Variants in PTPRD observed in about 807,000 individuals in gnomAD.
PTPRD encodes protein tyrosine phosphatase receptor type D.
PTPRD carries 34 observed loss-of-function variants against 214.5 expected under a neutral mutation model. The observed-to-expected ratio is 0.16, with a 90% CI of 0.12 to 0.21. The LOEUF is 0.21. PTPRD is among the 10% of genes least tolerant of loss of function. The pLI is 1.00. For synonymous variants in PTPRD, 1,128 were observed against 845.7 expected (o/e 1.33, Z -5.79); for missense variants, 2,545 against 2,398.7 (o/e 1.06, Z -1.27).
chr9:9,081,956 G>C (rs961177194), intron 10 of PTPRD, among the ~76,000 whole-genome samples: 8 of 151,636 alleles, frequency 5.3e-5, no homozygotes, highest in African/African-American at 1.9e-4. Context: ...TTCTGCAACT[G>C]AGGCAGTAAT....
chr9:9,754,976 T>C lies in PTPRD; in HGVS notation c.-326+11834A>G, dbSNP rs560982583. Among the ~76,000 whole-genome samples, 15 of 152,208 alleles carry C rather than the reference T, an allele frequency of 9.9e-5. No homozygotes were observed. In the South Asian group the frequency reaches 3.1e-3, roughly 32 times the overall value. ...TAAGGACTTGAAAGCTTCCAGTGTT[T>C]ATCAAAGGATAATTTGCGAATCAGC... On this transcript the variant is annotated intron_variant, in intron 6 of 45. Coordinates refer to ENST00000381196, the MANE Select transcript of PTPRD (RefSeq NM_002839.4).
At chr9:10,116,823 T>C (rs2098734286) in intron 3 of PTPRD, among the ~76,000 whole-genome samples, 1 of 152,030 alleles carries the variant, frequency 6.6e-6, no homozygotes, top group South Asian at 2.1e-4. Flanking sequence ...TTCTCAAACA[T>C]ATTAAGCATA....
At chr9:10,083,322 A>G (rs767892311) in intron 3 of PTPRD, among the ~76,000 whole-genome samples, 4 of 152,146 alleles carry the variant, frequency 2.6e-5, no homozygotes, top group South Asian at 4.1e-4. Context: ...GCCTAGTCTT[A>G]TAAGTCTTAA....
chr9:8,353,924 ATATG>A lies in PTPRD; in HGVS notation c.4662-11950_4662-11947del, dbSNP rs1407170578. ...TGTATATATGTGTATATATGTATAT[ATATG>A]TGTGTGTACATATATATATATATAT... On this transcript the variant is annotated intron_variant, in intron 39 of 45. Coordinates refer to ENST00000381196, the MANE Select transcript of PTPRD (RefSeq NM_002839.4). Among the ~76,000 whole-genome samples the A allele has an allele frequency of 4.0e-3, 543 of 135,736 alleles. 16 individuals carry two copies. The highest frequency in any genetic ancestry group is 7.0e-3 in the Non-Finnish European group (457 of 65,432). 89.0% of individuals were successfully genotyped at this position (135,736 alleles called of 152,430 possible).
chr9:8,350,723 A>C (rs1262033936), intron 39 of PTPRD, among the ~76,000 whole-genome samples: 7 of 152,158 alleles, frequency 4.6e-5, no homozygotes, highest in African/African-American at 1.7e-4. Flanking sequence ...AACTAGAGAA[A>C]TTATATTAAT....
intron 8 of PTPRD, among the ~76,000 whole-genome samples, chr9:9,440,344 T>C (rs1434496881): frequency 1.3e-5 from 2 of 152,230 alleles, no homozygotes; most frequent in African/African-American, 4.8e-5. Context: ...GGTTTGTACT[T>C]GTTTTCTTCT....
intron 5 of PTPRD, among the ~76,000 whole-genome samples, chr9:9,843,094 A>G (rs2058713864): frequency 6.6e-6 from 1 of 152,064 alleles, no homozygotes; most frequent in Admixed American, 6.6e-5. Context: ...TCCATAAAGG[A>G]TTTTGGGCTA....
chr9:9,061,896 T>C (rs1209503658), intron 10 of PTPRD, among the ~76,000 whole-genome samples: 1 of 152,012 alleles, frequency 6.6e-6, no homozygotes, highest in Non-Finnish European at 1.5e-5. Context: ...ACAGAATCCC[T>C]GGCAAGTTCA....
intron 8 of PTPRD, among the ~76,000 whole-genome samples, chr9:9,404,598 A>G (rs1029600549): frequency 3.3e-5 from 5 of 152,260 alleles, no homozygotes; most frequent in Middle Eastern, 6.8e-3. Flanking sequence ...GATTAGCGTC[A>G]ACACACATTT....
At chr9:9,765,433 A>G (rs1255662460) in intron 6 of PTPRD, among the ~76,000 whole-genome samples, 1 of 152,158 alleles carries the variant, frequency 6.6e-6, no homozygotes, top group Non-Finnish European at 1.5e-5. Context: ...AGGATGCCCA[A>G]CTTTTATTTC....
At position 9,793,573 on chromosome 9, in the gene PTPRD, T is replaced by C. The variant is rs541199654; in HGVS notation, c.-367-26722A>G. ...ATGCTGTTAAGAAAGATTATCTCTG[T>C]TAGTAAAAAGCATAAATTATTTATT... On this transcript the variant is annotated intron_variant, in intron 5 of 45. Transcript: ENST00000381196. 3.0e-4 allele frequency among the ~76,000 whole-genome samples: 45 copies of C among 152,278 alleles called. No individual in the cohort carries two copies. The East Asian group carries it at 8.5e-3, about 29-fold the overall frequency.
chr9:9,152,137 G>C (rs2099877348), intron 10 of PTPRD, among the ~76,000 whole-genome samples: 1 of 152,174 alleles, frequency 6.6e-6, no homozygotes, highest in African/African-American at 2.4e-5. Flanking sequence ...CTGGTCACTG[G>C]TTCACCCTTG....
intron 8 of PTPRD, among the ~76,000 whole-genome samples, chr9:9,480,256 A>G (rs980788518): frequency 7.9e-5 from 12 of 152,212 alleles, no homozygotes. Context: ...CTTAAATCAT[A>G]TGCTGACATT....
At chr9:8,546,657 C>A (rs2080256686) in intron 14 of PTPRD, among the ~76,000 whole-genome samples, 1 of 152,070 alleles carries the variant, frequency 6.6e-6, no homozygotes, top group Admixed American at 6.6e-5. Flanking sequence ...CGCCACCATG[C>A]CTCGCTACTT....
intron 8 of PTPRD, among the ~76,000 whole-genome samples, chr9:9,458,783 T>C (rs370479744): frequency 2.0e-4 from 30 of 152,052 alleles, no homozygotes; most frequent in African/African-American, 6.7e-4. Context: ...TGTACAAATG[T>C]ACAAAAATTA....
At position 8,369,316 on chromosome 9, in the gene PTPRD, A is replaced by G. The variant is rs149080320; in HGVS notation, c.4661+6620T>C. On this transcript the variant is annotated intron_variant, in intron 39 of 45. Transcript: ENST00000381196. ...TTTTGACTTTGAAAAGGCCATTTTC[A>G]TCACTATTGGGTTGGGCTTAGGGGT... Among the ~76,000 whole-genome samples the G allele has an allele frequency of 1.5e-3, 224 of 152,222 alleles. 2 individuals carry two copies. Among genetic ancestry groups the G allele is most frequent in the Non-Finnish European group, 1.3e-3 (85 of 67,974 alleles).
chr9:8,331,862 A>T, intron 43 of PTPRD, 126 bp from the exon 44 acceptor site: 1 of 1,125,060 alleles, frequency 8.9e-7, no homozygotes, highest in South Asian at 1.8e-5. Context: ...AGTTAGGAAC[A>T]TGTTTAAATA....
intron 8 of PTPRD, among the ~76,000 whole-genome samples, chr9:9,541,158 C>T (rs1165292743): frequency 6.6e-6 from 1 of 151,722 alleles, no homozygotes; most frequent in Non-Finnish European, 1.5e-5. Context: ...AACCAACTTT[C>T]CTAGGCTAGG....
chr9:9,385,070 C>A (rs902190177), intron 9 of PTPRD, among the ~76,000 whole-genome samples: 1 of 152,058 alleles, frequency 6.6e-6, no homozygotes, highest in African/African-American at 2.4e-5. Context: ...GAAGCTCTTT[C>A]ATAGGTTGAA....
Sources: gnomAD v4.1 joint callset for allele counts (sites outside exome capture counted in the v4.1 genomes callset) on GRCh38, gnomAD v4.1.1 for gene constraint, MANE v1.5 for transcripts, NCBI Gene and HGNC (gene_info 2026-07-23, HGNC 2026-07-21) for gene names.